The following SLC24A2 variants were observed in gnomAD, a reference collection of about 807,000 sequenced individuals.
SLC24A2 encodes the protein solute carrier family 24 member 2.
In SLC24A2, 36 loss-of-function variants were observed where a neutral mutation model predicts 62.0. The ratio of observed to expected loss-of-function variants is 0.58; its 90% CI spans 0.44 to 0.77. The LOEUF (loss-of-function observed/expected upper bound fraction) is 0.77. SLC24A2 is among the 30% of genes least tolerant of loss of function. SLC24A2 has a pLI of 0.00. For missense variants in SLC24A2, 846 were observed against 817.9 expected (o/e 1.03, Z -0.42); for synonymous variants, 358 against 294.0 (o/e 1.22, Z -2.23).
chr9:19,723,221 A>C (rs981095956), intron 2 of SLC24A2, among the ~76,000 whole-genome samples: 1 of 152,120 alleles, frequency 6.6e-6, no homozygotes, highest in Non-Finnish European at 1.5e-5. Flanking sequence ...AAATCTCCAA[A>C]TAGCTTAAGG....
the SLC24A2 span, among the ~76,000 whole-genome samples, chr9:19,959,508 G>C: frequency 6.6e-6 from 1 of 152,140 alleles, no homozygotes; most frequent in South Asian, 2.1e-4. Flanking sequence ...CTATAAATTT[G>C]GTTCCTACCT....
the SLC24A2 span, among the ~76,000 whole-genome samples, chr9:20,028,242 T>G: frequency 6.6e-6 from 1 of 152,012 alleles, no homozygotes; most frequent in African/African-American, 2.4e-5. Flanking sequence ...AGCCCTCATT[T>G]CCCCCACCTG....
chr9:19,834,530 G>C, the SLC24A2 span, among the ~76,000 whole-genome samples: 3 of 152,086 alleles, frequency 2.0e-5, no homozygotes, highest in Admixed American at 2.0e-4. Flanking sequence ...AGAGAAAAAA[G>C]AATAAAAAGA....
At chr9:19,659,011 C>T (rs1204219340) in intron 2 of SLC24A2, among the ~76,000 whole-genome samples, 2 of 152,142 alleles carry the variant, frequency 1.3e-5, no homozygotes, top group Non-Finnish European at 2.9e-5. Flanking sequence ...CTCAAAAAAG[C>T]TATGCTGAAA....
At chr9:20,089,033 C>T in the SLC24A2 span, among the ~76,000 whole-genome samples, 26 of 152,198 alleles carry the variant, frequency 1.7e-4, no homozygotes, top group Non-Finnish European at 3.7e-4. Flanking sequence ...TGGGTCCCCC[C>T]AGCCTGGGTC....
chr9:20,277,105 C>T, the SLC24A2 span, among the ~76,000 whole-genome samples: 2 of 152,280 alleles, frequency 1.3e-5, no homozygotes, highest in East Asian at 3.9e-4. Context: ...AATTTCTCCT[C>T]AGAAAATGGG....
rs150727635 is a variant in SLC24A2, at chr9:19,599,542, C to T, written c.1079-2263G>A. Among the ~76,000 whole-genome samples, 3 of 152,200 alleles carry T rather than the reference C, an allele frequency of 2.0e-5. No homozygotes were observed. The highest frequency in any genetic ancestry group is 7.2e-5 in the African/African-American group (3 of 41,504). On this transcript the variant is annotated intron_variant, in intron 4 of 10. Coordinates refer to ENST00000341998, the MANE Select transcript of SLC24A2 (RefSeq NM_020344.4). The surrounding 1 kb of genome is among the most constrained non-coding windows in gnomAD (Gnocchi z 4.5). ...AGTCAGAAAAGAATGGAGATGGAAA[C>T]CAGCCTGCTAGAATACGGTCTTTAG... is the stretch of plus-strand genomic sequence containing the variant.
At chr9:19,642,251 T>C (rs992905878) in intron 2 of SLC24A2, among the ~76,000 whole-genome samples, 9 of 152,184 alleles carry the variant, frequency 5.9e-5, no homozygotes, top group African/African-American at 2.2e-4. Context: ...CAGCTGGGTC[T>C]GCACAGCTGG....
chr9:19,819,210 A>C, the SLC24A2 span, among the ~76,000 whole-genome samples: 1 of 152,208 alleles, frequency 6.6e-6, no homozygotes, highest in Non-Finnish European at 1.5e-5. Flanking sequence ...AAGATGGATT[A>C]AAGACTTAAA....
chr9:19,945,900 T>G, the SLC24A2 span, among the ~76,000 whole-genome samples: 2 of 152,234 alleles, frequency 1.3e-5, no homozygotes, highest in South Asian at 4.1e-4. Context: ...CAAGTTCCTA[T>G]TCCACATCAG....
chr9:20,119,450 T>C, the SLC24A2 span, among the ~76,000 whole-genome samples: 39,468 of 152,014 alleles, frequency 0.26, 5,874 homozygotes, highest in East Asian at 0.59. Flanking sequence ...AAAGTTGGTA[T>C]AACATTCAAA....
At chr9:19,549,044 T>TG (rs928306883) in intron 8 of SLC24A2, among the ~76,000 whole-genome samples, 1 of 152,170 alleles carries the variant, frequency 6.6e-6, no homozygotes, top group African/African-American at 2.4e-5. Context: ...TCAACAACAG[T>TG]GGGTGGGTGT....
chr9:19,556,986 A>C (rs1835123151), intron 7 of SLC24A2, among the ~76,000 whole-genome samples: 1 of 152,186 alleles, frequency 6.6e-6, no homozygotes, highest in African/African-American at 2.4e-5. Flanking sequence ...TTTAGGCCCC[A>C]AGAAAAGGAG....
intron 9 of SLC24A2, among the ~76,000 whole-genome samples, chr9:19,522,704 T>G (rs1563929862): frequency 6.6e-6 from 1 of 152,146 alleles, no homozygotes; most frequent in African/African-American, 2.4e-5. Context: ...TCTCCCTAGT[T>G]GACAGAACAT....
the SLC24A2 span, among the ~76,000 whole-genome samples, chr9:19,865,515 G>C: frequency 4.0e-4 from 61 of 152,122 alleles, 1 homozygote; most frequent in Admixed American, 1.3e-3. Context: ...ACACACAATG[G>C]AACAGAAGAG....
the SLC24A2 span, among the ~76,000 whole-genome samples, chr9:20,285,353 T>G: frequency 2.0e-5 from 3 of 152,282 alleles, no homozygotes; most frequent in African/African-American, 7.2e-5. Context: ...TGGCAAGACA[T>G]TGATATGCAG....
At chr9:19,859,138 C>T in the SLC24A2 span, among the ~76,000 whole-genome samples, 1 of 152,030 alleles carries the variant, frequency 6.6e-6, no homozygotes, top group Non-Finnish European at 1.5e-5. Context: ...AAATGTGGTA[C>T]ATATATGTCA....
chr9:20,121,958 T>A, the SLC24A2 span, among the ~76,000 whole-genome samples: 1 of 152,310 alleles, frequency 6.6e-6, no homozygotes, highest in African/African-American at 2.4e-5. Flanking sequence ...GGAAGATTGC[T>A]TGCTAACAAA....
the SLC24A2 span, among the ~76,000 whole-genome samples, chr9:20,047,549 G>C: frequency 6.9e-6 from 1 of 145,982 alleles, no homozygotes; most frequent in Non-Finnish European, 1.5e-5. Flanking sequence ...AGGCTGGAAA[G>C]TCCAAGATCT....
Sources: gnomAD v4.1 joint callset for allele counts (sites outside exome capture counted in the v4.1 genomes callset) on GRCh38, gnomAD v4.1.1 for gene constraint, Gnocchi (gnomAD v3.1) non-coding constraint, MANE v1.5 for transcripts, NCBI Gene and HGNC (gene_info 2026-07-23, HGNC 2026-07-21) for gene names.